SORCS1: variants seen among roughly 807,000 people sequenced by gnomAD.
SORCS1 encodes the protein sortilin related VPS10 domain containing receptor 1.
Under a neutral mutation model 146.1 loss-of-function variants are expected in SORCS1, and 60 were observed. That is an observed-to-expected ratio of 0.41 (90% CI 0.33 to 0.51). The LOEUF is 0.51. SORCS1 is among the 20% of genes least tolerant of loss of function. SORCS1 has a pLI of 0.21. For synonymous variants in SORCS1, 637 were observed against 584.0 expected (o/e 1.09, Z -1.31); for missense variants, 1,352 against 1,487.6 (o/e 0.91, Z 1.50).
chr10:106,966,452 GC>G (rs1448209882), intron 1 of SORCS1, among the ~76,000 whole-genome samples: 14 of 152,126 alleles, frequency 9.2e-5, no homozygotes, highest in Non-Finnish European at 1.6e-4. Flanking sequence ...ATCCCTAAAT[GC>G]CCTTTATATT....
chr10:106,842,138 T>A (rs762306143), intron 2 of SORCS1, among the ~76,000 whole-genome samples: 7 of 152,112 alleles, frequency 4.6e-5, no homozygotes, highest in Non-Finnish European at 8.8e-5. Context: ...TATAGCAGCG[T>A]ATCATTTTTT....
intron 1 of SORCS1, among the ~76,000 whole-genome samples, chr10:107,076,429 T>C (rs1203952659): frequency 2.0e-5 from 3 of 152,166 alleles, no homozygotes; most frequent in African/African-American, 7.2e-5. Context: ...GTATTTCTCA[T>C]AGTAATCTCT....
chr10:106,998,334 G>T (rs575026876), intron 1 of SORCS1, among the ~76,000 whole-genome samples: 3 of 152,122 alleles, frequency 2.0e-5, no homozygotes, highest in Admixed American at 1.3e-4. Flanking sequence ...GAACTACTAG[G>T]GTCATTCACG....
chr10:106,992,677 T>C (rs996691843), intron 1 of SORCS1, among the ~76,000 whole-genome samples: 2 of 151,464 alleles, frequency 1.3e-5, no homozygotes, highest in African/African-American at 4.9e-5. Context: ...AAAAAAAAGT[T>C]GTAGAGATGG....
intron 4 of SORCS1, among the ~76,000 whole-genome samples, chr10:106,773,625 C>T (rs1860194649): frequency 6.6e-6 from 1 of 152,130 alleles, no homozygotes; most frequent in South Asian, 2.1e-4. Flanking sequence ...GGCTCTTTCC[C>T]ATCTGTTCAT....
chr10:107,103,010 A>G (rs73385412), intron 1 of SORCS1, among the ~76,000 whole-genome samples: 2,851 of 152,204 alleles, frequency 0.019, 89 homozygotes, highest in African/African-American at 0.065. Context: ...TTGCCTATCT[A>G]ATTCGTTCTA....
At chr10:106,985,394 T>C (rs1251074121) in intron 1 of SORCS1, among the ~76,000 whole-genome samples, 1 of 152,050 alleles carries the variant, frequency 6.6e-6, no homozygotes, top group Admixed American at 6.6e-5. Context: ...TTATGCTACA[T>C]AGAAAACCCA....
chr10:106,895,727 G>A (rs1276234477), intron 2 of SORCS1, among the ~76,000 whole-genome samples: 1 of 152,142 alleles, frequency 6.6e-6, no homozygotes, highest in Non-Finnish European at 1.5e-5. Flanking sequence ...TGGTATGGAG[G>A]TTCCTTAAAA....
chr10:106,859,461 T>A (rs2137405382), intron 2 of SORCS1, among the ~76,000 whole-genome samples: 1 of 152,328 alleles, frequency 6.6e-6, no homozygotes, highest in Non-Finnish European at 1.5e-5. Context: ...CGGCGCGATG[T>A]TGGCTCACTG....
chr10:106,990,930 A>C (rs886729234), intron 1 of SORCS1, among the ~76,000 whole-genome samples: 1 of 152,114 alleles, frequency 6.6e-6, no homozygotes, highest in Non-Finnish European at 1.5e-5. Context: ...TAAATTTGTG[A>C]TTTCACAGTT....
intron 9 of SORCS1, among the ~76,000 whole-genome samples, chr10:106,690,178 C>A (rs1368759617): frequency 6.6e-6 from 1 of 152,240 alleles, no homozygotes; most frequent in Non-Finnish European, 1.5e-5. Context: ...TCCGCAAGGG[C>A]TTCCCACCAG....
At chr10:106,854,001 T>A (rs761086559) in intron 2 of SORCS1, among the ~76,000 whole-genome samples, 2 of 151,930 alleles carry the variant, frequency 1.3e-5, no homozygotes, top group Non-Finnish European at 2.9e-5. Context: ...TTCAAATATG[T>A]CCTTATAATT....
At chr10:106,770,530 C>A (rs1859943094) in intron 4 of SORCS1, among the ~76,000 whole-genome samples, 1 of 150,250 alleles carries the variant, frequency 6.7e-6, no homozygotes, top group Non-Finnish European at 1.5e-5. Flanking sequence ...AAAAGAGAGA[C>A]CCATGAACAA....
chr10:106,935,442 T>C (rs1953663117), intron 2 of SORCS1, among the ~76,000 whole-genome samples: 1 of 152,206 alleles, frequency 6.6e-6, no homozygotes, highest in Non-Finnish European at 1.5e-5. Flanking sequence ...AAAATGATAG[T>C]GGGTTGACCT....
rs181245136 is a variant in SORCS1, at chr10:106,943,203, T to C, written c.626+13310A>G. Among the ~76,000 whole-genome samples, 29 of 152,314 alleles carry C rather than the reference T, an allele frequency of 1.9e-4. No individual in the cohort carries two copies. The East Asian group carries it at 5.6e-3, about 29-fold the overall frequency. On this transcript the variant is annotated intron_variant, in intron 2 of 25. Transcript: ENST00000263054. Reference sequence around the variant, plus strand: ...CATATTTTTCTTACTTAACTATCTGTGGTGTTTAATGTTCTTCTCACTTGT... The same window carrying C: ...CATATTTTTCTTACTTAACTATCTGCGGTGTTTAATGTTCTTCTCACTTGT...
At chr10:107,043,867 A>G (rs532383883) in intron 1 of SORCS1, among the ~76,000 whole-genome samples, 4 of 152,352 alleles carry the variant, frequency 2.6e-5, no homozygotes, top group African/African-American at 9.6e-5. Context: ...ACACATAGTC[A>G]TTGAATGGAA....
chr10:106,733,905 G>C (rs922433809), intron 5 of SORCS1, among the ~76,000 whole-genome samples: 5 of 152,148 alleles, frequency 3.3e-5, no homozygotes, highest in African/African-American at 1.2e-4. Context: ...CTGCATAAAT[G>C]ACTCTCTTAA....
chr10:106,843,666 A>C (rs1179380172), intron 2 of SORCS1, among the ~76,000 whole-genome samples: 2 of 151,924 alleles, frequency 1.3e-5, no homozygotes, highest in Non-Finnish European at 2.9e-5. Flanking sequence ...CCATCTCCTG[A>C]CCTCGTGATC....
At chr10:106,602,263 C>T (rs1846286448) in intron 23 of SORCS1, among the ~76,000 whole-genome samples, 1 of 152,102 alleles carries the variant, frequency 6.6e-6, no homozygotes, top group Admixed American at 6.5e-5. Flanking sequence ...TCTTACTGAA[C>T]TTAATAGCAT....
Sources: gnomAD v4.1 joint callset for allele counts (sites outside exome capture counted in the v4.1 genomes callset) on GRCh38, gnomAD v4.1.1 for gene constraint, MANE v1.5 for transcripts, NCBI Gene and HGNC (gene_info 2026-07-23, HGNC 2026-07-21) for gene names.